Variants in POLR2H observed in about 807,000 individuals in gnomAD.
POLR2H encodes DNA-directed RNA polymerases I, II, and III subunit RPABC3.
A neutral mutation model predicts 18.1 loss-of-function variants in POLR2H; 3 were observed. That is an observed-to-expected ratio of 0.17 (90% CI 0.08 to 0.43). The LOEUF is 0.43. Ranked by LOEUF, POLR2H falls within the 20% of genes least tolerant of loss-of-function variation. The pLI is 0.99. For missense variants in POLR2H, 103 were observed against 184.6 expected, an observed-to-expected ratio of 0.56 and a Z score of 2.56; for synonymous variants, 76 against 69.0, an observed-to-expected ratio of 1.10 and a Z score of -0.50.
intron 4 of POLR2H, chr3:184,365,481 C>T (rs574075824): frequency 2.1e-4 from 93 of 442,978 alleles, no homozygotes; most frequent in South Asian, 1.4e-3. Flanking sequence ...AGCAACATAG[C>T]GAAACCTCAC....
At chr3:184,365,991 AAG>A (rs1713202425) in intron 4 of POLR2H, among the ~76,000 whole-genome samples, 1 of 151,874 alleles carries the variant, frequency 6.6e-6, no homozygotes, top group Non-Finnish European at 1.5e-5. Flanking sequence ...AAAAAAAAAA[AAG>A]AAAAAAATTC....
chr3:184,367,261 T>C (rs1279809446), intron 5 of POLR2H, among the ~76,000 whole-genome samples: 1 of 152,126 alleles, frequency 6.6e-6, no homozygotes, highest in African/African-American at 2.4e-5. Context: ...AATATGTGCT[T>C]TTTGTAAGTA....
At chr3:184,367,492 CTT>C (rs202193300) in intron 5 of POLR2H, among the ~76,000 whole-genome samples, 2 of 143,112 alleles carry the variant, frequency 1.4e-5, no homozygotes, top group Non-Finnish European at 1.5e-5. Context: ...CTTTTCTTTT[CTT>C]TTTTTTTTTT....
chr3:184,362,881 T>C lies in POLR2H; in HGVS notation c.-612T>C, dbSNP rs1577338618. The C allele has an allele frequency of 6.4e-6, 1 of 157,434 alleles. No homozygotes were observed. The highest frequency in any genetic ancestry group is 1.4e-5 in the Non-Finnish European group (1 of 71,312). 9.8% of individuals were successfully genotyped at this position (157,434 alleles called of 1,614,324 possible). A position where few individuals can be genotyped will look rare whatever the true frequency, so the allele number is the denominator to read the frequency against. ...TTTCCTCTTCTCCATAGCGACGTCATGGCAAATTCCCAAACTGGACGGATC... is the reference window on the plus strand; with the variant it reads ...TTTCCTCTTCTCCATAGCGACGTCACGGCAAATTCCCAAACTGGACGGATC... On this transcript the variant is annotated 5_prime_UTR_variant, in exon 2 of 6. An upstream start codon of the reference 5' UTR is lost. Transcript: ENST00000456318. The surrounding 1 kb of genome is among the most constrained non-coding windows in gnomAD (Gnocchi z 5.9).
rs1577349774 is a variant in POLR2H at position 184,368,368 on chromosome 3, T to C, written c.*74T>C. 7.8e-7 allele frequency: 1 copy of C among 1,281,066 alleles called. No homozygotes were observed. The highest frequency in any genetic ancestry group is 1.1e-6 in the Non-Finnish European group (1 of 928,348). The allele number at this position is 1,281,066 out of a possible 1,614,324, so 79.4% of individuals were successfully genotyped here. A position where few individuals can be genotyped will look rare whatever the true frequency, so the allele number is the denominator to read the frequency against. On this transcript the variant is annotated 3_prime_UTR_variant, in exon 6 of 6. Coordinates refer to ENST00000456318, the MANE Select transcript of POLR2H (RefSeq NM_006232.5). Reference sequence around the variant, plus strand: ...TTGTTCAAGCCTGAGTGGCAGCCGCTCTTGCTCACCTGTTGAGGAAGGGCT... The same window carrying C: ...TTGTTCAAGCCTGAGTGGCAGCCGCCCTTGCTCACCTGTTGAGGAAGGGCT...
At position 184,362,873 on chromosome 3, in the gene POLR2H, C is replaced by G. The variant is rs1712455980; in HGVS notation, c.-620C>G. The G allele has an allele frequency of 6.4e-6, 1 of 157,296 alleles. No homozygotes were observed. The highest frequency in any genetic ancestry group is 2.4e-5 in the African/African-American group (1 of 41,442). The allele number at this position is 157,296 out of a possible 1,614,324, so 9.7% of individuals were successfully genotyped here. ...ATGCAGGCTTTCCTCTTCTCCATAG[C>G]GACGTCATGGCAAATTCCCAAACTG... On this transcript the variant is annotated splice_region_variant and 5_prime_UTR_variant, in exon 2 of 6. Coordinates refer to ENST00000456318, the MANE Select transcript of POLR2H (RefSeq NM_006232.5). The surrounding 1 kb of genome is among the most constrained non-coding windows in gnomAD (Gnocchi z 5.9).
intron 2 of POLR2H, among the ~76,000 whole-genome samples, chr3:184,364,261 T>G (rs62287508): frequency 0.48 from 72,434 of 151,552 alleles, 18,199 homozygotes; most frequent in African/African-American, 0.61. Context: ...ACGCAGCCTT[T>G]CTCTGTTGCC....
intron 2 of POLR2H, chr3:184,364,677 C>A: frequency 2.1e-6 from 1 of 484,330 alleles, no homozygotes; most frequent in Non-Finnish European, 3.7e-6. Context: ...AAGAGAAAAC[C>A]TTTGGATGAT....
chr3:184,363,872 G>A (rs900314260), intron 2 of POLR2H, among the ~76,000 whole-genome samples: 11 of 152,206 alleles, frequency 7.2e-5, no homozygotes, highest in Non-Finnish European at 1.5e-4. Flanking sequence ...CCAACATGGT[G>A]AAACCCCGTC....
Position 184,366,539 on chromosome 3 carries a change from T to C in POLR2H, c.252-178T>C, listed in dbSNP as rs552169039. The C allele has an allele frequency of 1.1e-3, 449 of 423,962 alleles. 5 individuals carry two copies. The highest frequency in any genetic ancestry group is 6.3e-3 in the Admixed American group (163 of 25,860). The allele number at this position is 423,962 out of a possible 1,614,324, so 26.3% of individuals were successfully genotyped here. ...ATTTTTAGTAGAGATGGGGTTTCAC[T>C]GTGTTAGCCAGGATGGTCTCGATCT... On this transcript the variant is annotated intron_variant, in intron 4 of 5. Transcript: ENST00000456318.
rs1407627054 is a variant in POLR2H at position 184,363,436 on chromosome 3, T to G, written c.-57T>G. On this transcript the variant is annotated 5_prime_UTR_variant, in exon 2 of 6. Coordinates refer to ENST00000456318, the MANE Select transcript of POLR2H (RefSeq NM_006232.5). Reference sequence around the variant, plus strand: ...TCTTGTCCACGCTAGGGGGTGCACGTACTCCCAACTGTGGTCGCGCTCTCA... The same window carrying G: ...TCTTGTCCACGCTAGGGGGTGCACGGACTCCCAACTGTGGTCGCGCTCTCA... 9 of 1,402,410 alleles carry G rather than the reference T, an allele frequency of 6.4e-6. No homozygotes were observed. The highest frequency in any genetic ancestry group is 8.1e-6 in the Non-Finnish European group (8 of 989,474). The allele number at this position is 1,402,410 out of a possible 1,614,324, so 86.9% of individuals were successfully genotyped here.
At position 184,363,361 on chromosome 3, in the gene POLR2H, A is replaced by C. The variant is rs1364220948; in HGVS notation, c.-132A>C. 25 of 742,636 alleles carry C rather than the reference A, an allele frequency of 3.4e-5. No individual in the cohort carries two copies. The Admixed American group carries it at 4.7e-4, about 14-fold the overall frequency. The allele number at this position is 742,636 out of a possible 1,614,324, so 46.0% of individuals were successfully genotyped here. ...TACCGCTTGTTTGTGCGCATGCGCC[A>C]CTCTCGTCTGGCCGCCGCGCTTTCA... On this transcript the variant is annotated 5_prime_UTR_variant, in exon 2 of 6. Coordinates refer to ENST00000456318, the MANE Select transcript of POLR2H (RefSeq NM_006232.5).
At position 184,363,317 on chromosome 3, in the gene POLR2H, G is replaced by A. The variant is rs776115591; in HGVS notation, c.-176G>A. 5 of 649,152 alleles carry A rather than the reference G, an allele frequency of 7.7e-6. No individual in the cohort carries two copies. The highest frequency in any genetic ancestry group is 1.4e-5 in the Non-Finnish European group (5 of 356,606). 40.2% of individuals were successfully genotyped at this position (649,152 alleles called of 1,614,324 possible). A position where few individuals can be genotyped will look rare whatever the true frequency, so the allele number is the denominator to read the frequency against. ...GTTAAGTAGCCCCGAGCGGGAGGCTGTGGCGGAAGTGGTCGCGTTACCGCT... is the reference window on the plus strand; with the variant it reads ...GTTAAGTAGCCCCGAGCGGGAGGCTATGGCGGAAGTGGTCGCGTTACCGCT... On this transcript the variant is annotated 5_prime_UTR_variant, in exon 2 of 6. The change creates a new upstream start codon in the 5' untranslated region. Coordinates refer to ENST00000456318, the MANE Select transcript of POLR2H (RefSeq NM_006232.5).
At position 184,362,888 on chromosome 3, in the gene POLR2H, T is replaced by C. The variant is rs1158365935; in HGVS notation, c.-605T>C. 2 of 157,572 alleles carry C rather than the reference T, an allele frequency of 1.3e-5. No individual in the cohort carries two copies. Among genetic ancestry groups the C allele is most frequent in the Non-Finnish European group, 2.8e-5 (2 of 71,362 alleles). The allele number at this position is 157,572 out of a possible 1,614,324, so 9.8% of individuals were successfully genotyped here. On this transcript the variant is annotated 5_prime_UTR_variant, in exon 2 of 6. Transcript: ENST00000456318. This position sits in a 1 kb window ranked among gnomAD's most constrained non-coding sequence, Gnocchi z 5.9. ...TTCTCCATAGCGACGTCATGGCAAA[T>C]TCCCAAACTGGACGGATCCGGCTCG...
Position 184,363,422 on chromosome 3 carries a change from C to A in POLR2H, c.-71C>A. On this transcript the variant is annotated 5_prime_UTR_variant, in exon 2 of 6. Transcript: ENST00000456318. ...TTGGTTCTCTCCGGTCTTGTCCACG[C>A]TAGGGGGTGCACGTACTCCCAACTG... 1 of 1,288,918 alleles carries A rather than the reference C, an allele frequency of 7.8e-7. No homozygotes were observed. Among genetic ancestry groups the A allele is most frequent in the Non-Finnish European group, 1.1e-6 (1 of 890,022 alleles). The allele number at this position is 1,288,918 out of a possible 1,614,324, so 79.8% of individuals were successfully genotyped here.
Position 184,365,404 on chromosome 3 carries a change from TA to T in POLR2H, c.251+180del. On this transcript the variant is annotated intron_variant, in intron 4 of 5. Transcript: ENST00000456318. Reference sequence around the variant, plus strand: ...GGCCAGGCACCGTGGCTCACACCTGTAACCCAAGCACTTTGGGAGGCCGAGG... The same window carrying T: ...GGCCAGGCACCGTGGCTCACACCTGTACCCAAGCACTTTGGGAGGCCGAGG... The T allele has an allele frequency of 4.9e-6, 3 of 617,562 alleles. No homozygotes were observed. In the South Asian group the frequency reaches 5.8e-5, roughly 12 times the overall value. The allele number at this position is 617,562 out of a possible 1,614,324, so 38.3% of individuals were successfully genotyped here. A position where few individuals can be genotyped will look rare whatever the true frequency, so the allele number is the denominator to read the frequency against.
Position 184,363,118 on chromosome 3 carries a change from C to A in POLR2H, c.-375C>A, listed in dbSNP as rs904398576. 3 of 335,038 alleles carry A rather than the reference C, an allele frequency of 9.0e-6. No individual in the cohort carries two copies. Among genetic ancestry groups the A allele is most frequent in the Non-Finnish European group, 1.7e-5 (3 of 174,266 alleles). The allele number at this position is 335,038 out of a possible 1,614,324, so 20.8% of individuals were successfully genotyped here. On this transcript the variant is annotated 5_prime_UTR_variant, in exon 2 of 6. Coordinates refer to ENST00000456318, the MANE Select transcript of POLR2H (RefSeq NM_006232.5). ...ATCAAGGTCCCTGCCTGGGTTAGGC[C>A]CCCACGCATTCCAGTCTTCGGAACC...
Position 184,363,331 on chromosome 3 carries a change from C to G in POLR2H, c.-162C>G. 1.5e-6 allele frequency: 1 copy of G among 664,214 alleles called. No individual in the cohort carries two copies. The highest frequency in any genetic ancestry group is 2.7e-6 in the Non-Finnish European group (1 of 364,878). The allele number at this position is 664,214 out of a possible 1,614,324, so 41.1% of individuals were successfully genotyped here. ...AGCGGGAGGCTGTGGCGGAAGTGGT[C>G]GCGTTACCGCTTGTTTGTGCGCATG... is the stretch of plus-strand genomic sequence containing the variant. On this transcript the variant is annotated 5_prime_UTR_variant, in exon 2 of 6. Transcript: ENST00000456318.
chr3:184,365,453 GA>G (rs1713066177), intron 4 of POLR2H: 6 of 568,468 alleles, frequency 1.1e-5, no homozygotes, highest in Non-Finnish European at 1.6e-5. Context: ...TTGAGTCCAG[GA>G]GTTCAAGACC....
Sources: gnomAD v4.1 joint callset for allele counts (sites outside exome capture counted in the v4.1 genomes callset) on GRCh38, gnomAD v4.1.1 for gene constraint, Gnocchi (gnomAD v3.1) non-coding constraint, MANE v1.5 for transcripts, NCBI Gene and HGNC (gene_info 2026-07-23, HGNC 2026-07-21) for gene names.